Variants in LRRC28 observed in about 807,000 individuals in gnomAD.
The protein encoded by LRRC28 is leucine rich repeat containing 28.
Under a neutral mutation model 45.7 loss-of-function variants are expected in LRRC28, and 39 were observed. The observed-to-expected ratio is 0.85, with a 90% CI of 0.66 to 1.12. The LOEUF (loss-of-function observed/expected upper bound fraction) is 1.12. LRRC28 is among the 50% of genes most tolerant of loss of function. The probability of loss-of-function intolerance (pLI) is 0.00; values close to 1 mark genes in which losing one functional copy is unlikely to be tolerated. For synonymous variants in LRRC28, 206 were observed against 178.8 expected, an observed-to-expected ratio of 1.15 and a Z score of -1.22; for missense variants, 435 against 438.5, an observed-to-expected ratio of 0.99 and a Z score of 0.07.
Position 99,276,565 on chromosome 15 carries a change from T to G in LRRC28, c.169-11T>G, listed in dbSNP as rs2081622115. On this transcript the variant is annotated splice_polypyrimidine_tract_variant and intron_variant, in intron 2 of 9. Transcript: ENST00000301981. ...AAAAATAAAATTTAATTCTGAGTTT[T>G]TAATTTTCAGCCAGAAAACCTTGCT... 1.3e-6 allele frequency: 2 copies of G among 1,543,628 alleles called. No individual in the cohort carries two copies. Among genetic ancestry groups the G allele is most frequent in the East Asian group, 4.8e-5 (2 of 42,088 alleles).
rs1958064222 is a variant in LRRC28, at chr15:99,387,591, A to C, written c.*1489A>C. 1 of 152,208 alleles carries C rather than the reference A, an allele frequency of 6.6e-6. No homozygotes were observed. Among genetic ancestry groups the C allele is most frequent in the African/African-American group, 2.4e-5 (1 of 41,436 alleles). 9.4% of individuals were successfully genotyped at this position (152,208 alleles called of 1,614,324 possible). On this transcript the variant is annotated 3_prime_UTR_variant, in exon 10 of 10. Transcript: ENST00000301981. Reference sequence around the variant, plus strand: ...TCCACCCTGCCAGAAAGAACTCTTCATGAAGAAGTCACGTATTTGCTCTTC... The same window carrying C: ...TCCACCCTGCCAGAAAGAACTCTTCCTGAAGAAGTCACGTATTTGCTCTTC...
chr15:99,260,130 G>A (rs2081153853), intron 2 of LRRC28: 3 of 358,340 alleles, frequency 8.4e-6, no homozygotes, highest in Non-Finnish European at 1.7e-5. Context: ...CTTCTCCCCT[G>A]CACTGTAAAA....
intron 5 of LRRC28, among the ~76,000 whole-genome samples, chr15:99,311,173 G>A (rs1322866038): frequency 6.6e-6 from 1 of 152,116 alleles, no homozygotes; most frequent in African/African-American, 2.4e-5. Context: ...CTGTCTTGGG[G>A]ACATGGAATA....
intron 5 of LRRC28, among the ~76,000 whole-genome samples, chr15:99,308,607 A>G (rs1384453324): frequency 6.6e-6 from 1 of 152,192 alleles, no homozygotes; most frequent in Non-Finnish European, 1.5e-5. Flanking sequence ...AGAATATTTG[A>G]GGTTGCAGTG....
intron 2 of LRRC28, among the ~76,000 whole-genome samples, chr15:99,263,621 C>T (rs895389491): frequency 6.6e-6 from 1 of 152,200 alleles, no homozygotes; most frequent in Admixed American, 6.5e-5. Flanking sequence ...CTGTGTCTTG[C>T]GTTCTGTACC....
At chr15:99,374,415 G>T (rs766086294) in intron 9 of LRRC28, among the ~76,000 whole-genome samples, 3 of 152,100 alleles carry the variant, frequency 2.0e-5, no homozygotes, top group African/African-American at 4.8e-5. Context: ...TAGCATCTGG[G>T]AATGTTACTG....
intron 2 of LRRC28, among the ~76,000 whole-genome samples, chr15:99,271,616 AGATG>A (rs2152154828): frequency 6.7e-6 from 1 of 150,244 alleles, no homozygotes; most frequent in South Asian, 2.1e-4. Context: ...ATTTATTTAG[AGATG>A]GAGTCTCACT....
intron 5 of LRRC28, among the ~76,000 whole-genome samples, chr15:99,317,244 C>G (rs754468377): frequency 4.2e-4 from 64 of 152,082 alleles, no homozygotes; most frequent in Non-Finnish European, 7.4e-4. Flanking sequence ...CTATGCCTTT[C>G]TGATGGAATA....
intron 6 of LRRC28, among the ~76,000 whole-genome samples, chr15:99,336,911 C>A (rs1380498714): frequency 6.6e-6 from 1 of 152,174 alleles, no homozygotes; most frequent in Non-Finnish European, 1.5e-5. Context: ...GTGAACCATT[C>A]ATACAACTAC....
intron 2 of LRRC28, 38 bp downstream of exon 2, chr15:99,256,163 A>G (rs1011450611): frequency 1.9e-6 from 3 of 1,540,972 alleles, no homozygotes; most frequent in Admixed American, 2.0e-5. Context: ...AATTATTTAT[A>G]CATGTGGTCC....
intron 9 of LRRC28, among the ~76,000 whole-genome samples, chr15:99,383,314 C>T (rs756476188): frequency 6.6e-6 from 1 of 152,206 alleles, no homozygotes; most frequent in African/African-American, 2.4e-5. Flanking sequence ...ACCCAGGGAA[C>T]GTGCCAGCAC....
chr15:99,385,276 C>T, intron 9 of LRRC28, among the ~76,000 whole-genome samples: 1 of 152,176 alleles, frequency 6.6e-6, no homozygotes, highest in Non-Finnish European at 1.5e-5. Flanking sequence ...TACAGAGGTC[C>T]CCTTCCTGGG....
chr15:99,305,475 AAATT>A (rs1200115474), intron 5 of LRRC28, among the ~76,000 whole-genome samples: 85 of 152,332 alleles, frequency 5.6e-4, no homozygotes, highest in Middle Eastern at 3.4e-3. Flanking sequence ...TGCTACTTTG[AAATT>A]AATTAAGAAA....
intron 9 of LRRC28, among the ~76,000 whole-genome samples, chr15:99,381,976 TCAGGG>T (rs1413888700): frequency 6.6e-6 from 1 of 152,148 alleles, no homozygotes; most frequent in Non-Finnish European, 1.5e-5. Context: ...TACTCAGGGG[TCAGGG>T]ACCCACTTGA....
chr15:99,344,153 A>G (rs2152307535), intron 6 of LRRC28, among the ~76,000 whole-genome samples: 1 of 152,276 alleles, frequency 6.6e-6, no homozygotes, highest in Middle Eastern at 3.4e-3. Context: ...AAAGACTAAG[A>G]TGTATCGAGT....
At chr15:99,272,920 T>C (rs1321035261) in intron 2 of LRRC28, among the ~76,000 whole-genome samples, 2 of 152,202 alleles carry the variant, frequency 1.3e-5, no homozygotes, top group African/African-American at 4.8e-5. Flanking sequence ...CTTCATAGCT[T>C]GTAAATCCTA....
At chr15:99,292,077 T>C (rs933285770) in intron 5 of LRRC28, among the ~76,000 whole-genome samples, 3 of 152,226 alleles carry the variant, frequency 2.0e-5, no homozygotes, top group Admixed American at 2.0e-4. Context: ...TGACTTTCTG[T>C]GCCTCGAGAG....
chr15:99,336,730 G>A (rs1597374388), intron 6 of LRRC28, among the ~76,000 whole-genome samples: 1 of 152,270 alleles, frequency 6.6e-6, no homozygotes, highest in Non-Finnish European at 1.5e-5. Context: ...TAAAAGCCTA[G>A]GCCTGAGACC....
At chr15:99,305,842 C>G (rs979805737) in intron 5 of LRRC28, among the ~76,000 whole-genome samples, 6 of 152,156 alleles carry the variant, frequency 3.9e-5, no homozygotes. Flanking sequence ...CTGAGCTCTA[C>G]ATAAAGTATG....
Sources: allele counts gnomAD v4.1 joint callset (sites outside exome capture counted in the v4.1 genomes callset), GRCh38; gene constraint gnomAD v4.1.1; transcripts MANE v1.5; gene names NCBI Gene and HGNC (gene_info 2026-07-23, HGNC 2026-07-21).